Variants in ITGA8 observed in about 807,000 individuals in gnomAD.
ITGA8 encodes integrin subunit alpha 8, also known as integrin alpha-8.
A neutral mutation model predicts 142.3 loss-of-function variants in ITGA8; 91 were observed. The observed-to-expected ratio is 0.64, with a 90% CI of 0.54 to 0.76. The LOEUF (loss-of-function observed/expected upper bound fraction) is 0.76, where lower values mean the gene tolerates loss of function less well. ITGA8 is among the 30% of genes least tolerant of loss of function. ITGA8 has a pLI of 0.00. For missense variants in ITGA8, 1,406 were observed against 1,327.7 expected, an observed-to-expected ratio of 1.06 and a Z score of -0.92; for synonymous variants, 505 against 485.2, an observed-to-expected ratio of 1.04 and a Z score of -0.54.
chr10:15,590,030 T>C (rs1489684587), intron 22 of ITGA8, among the ~76,000 whole-genome samples: 1 of 152,244 alleles, frequency 6.6e-6, no homozygotes, highest in Non-Finnish European at 1.5e-5. Flanking sequence ...CCCAAAATGC[T>C]GGGATTACAG....
intron 28 of ITGA8, among the ~76,000 whole-genome samples, chr10:15,527,442 G>A (rs1328348414): frequency 6.6e-6 from 1 of 152,160 alleles, no homozygotes; most frequent in African/African-American, 2.4e-5. Context: ...TTACTTGTAT[G>A]GCATGCAAAG....
intron 25 of ITGA8, among the ~76,000 whole-genome samples, chr10:15,562,473 T>C (rs1445403477): frequency 6.6e-6 from 1 of 152,108 alleles, no homozygotes; most frequent in Non-Finnish European, 1.5e-5. Flanking sequence ...TAAAAGCGTG[T>C]TTCAAGTAAC....
At chr10:15,648,408 G>T (rs1834026097) in intron 11 of ITGA8, among the ~76,000 whole-genome samples, 1 of 150,182 alleles carries the variant, frequency 6.7e-6, no homozygotes, top group African/African-American at 2.4e-5. Context: ...TCATGTATAT[G>T]AATGATATAT....
chr10:15,659,201 A>T, intron 9 of ITGA8, 146 bp from the exon 10 acceptor site: 2 of 515,382 alleles, frequency 3.9e-6, no homozygotes, highest in Non-Finnish European at 6.7e-6. Flanking sequence ...AGCCCACGGA[A>T]TGATCTTATT....
intron 2 of ITGA8, among the ~76,000 whole-genome samples, chr10:15,688,521 C>A (rs373140642): frequency 1.3e-3 from 198 of 152,128 alleles, no homozygotes; most frequent in African/African-American, 4.5e-3. Flanking sequence ...TATCCTGATA[C>A]CAAAGCCAGA....
At chr10:15,619,560 G>C (rs1289353071) in intron 13 of ITGA8, among the ~76,000 whole-genome samples, 3 of 152,156 alleles carry the variant, frequency 2.0e-5, no homozygotes, top group African/African-American at 7.2e-5. Flanking sequence ...CTTTTGTAAG[G>C]GTTTAAATCT....
At chr10:15,524,187 C>G (rs908961337) in intron 28 of ITGA8, among the ~76,000 whole-genome samples, 1 of 152,186 alleles carries the variant, frequency 6.6e-6, no homozygotes, top group African/African-American at 2.4e-5. Context: ...ATTGGTGCAG[C>G]TGCAGAGACC....
At chr10:15,669,803 C>T (rs747349440) in intron 8 of ITGA8, among the ~76,000 whole-genome samples, 2 of 152,194 alleles carry the variant, frequency 1.3e-5, no homozygotes, top group African/African-American at 2.4e-5. Flanking sequence ...TCCTGGGTAT[C>T]AGCAGCAGAG....
chr10:15,642,690 C>T (rs367806714), intron 13 of ITGA8, among the ~76,000 whole-genome samples: 3 of 152,170 alleles, frequency 2.0e-5, no homozygotes, highest in South Asian at 4.1e-4. Flanking sequence ...CATTAGTATA[C>T]GATATAATAC....
intron 13 of ITGA8, among the ~76,000 whole-genome samples, chr10:15,639,886 GAT>G (rs1385757630): frequency 1.3e-5 from 2 of 152,336 alleles, no homozygotes; most frequent in Admixed American, 6.5e-5. Flanking sequence ...AGGATGATGA[GAT>G]AGATTTCAGA....
At chr10:15,631,799 A>G (rs1033761217) in intron 13 of ITGA8, among the ~76,000 whole-genome samples, 4 of 148,872 alleles carry the variant, frequency 2.7e-5, no homozygotes, top group African/African-American at 7.4e-5. Flanking sequence ...ACCCCCCCCA[A>G]AAAAAGCCAT....
chr10:15,533,771 A>C (rs1235939066), intron 27 of ITGA8, among the ~76,000 whole-genome samples: 1 of 152,256 alleles, frequency 6.6e-6, no homozygotes, highest in Non-Finnish European at 1.5e-5. Context: ...CTAATGCATC[A>C]TAGACAGCAT....
At chr10:15,652,280 G>T (rs539704329) in intron 11 of ITGA8, among the ~76,000 whole-genome samples, 35 of 152,350 alleles carry the variant, frequency 2.3e-4, no homozygotes, top group African/African-American at 8.4e-4. Context: ...GCCCTGCAGG[G>T]CATAAGGCGA....
chr10:15,643,843 C>T (rs184092342), intron 13 of ITGA8, among the ~76,000 whole-genome samples, 187 bp downstream of exon 13: 66 of 152,096 alleles, frequency 4.3e-4, no homozygotes, highest in Admixed American at 3.3e-4. Flanking sequence ...GAGAAGGAAG[C>T]GTGTGTTTGT....
chr10:15,673,150 C>T (rs1158991563), intron 6 of ITGA8, among the ~76,000 whole-genome samples: 1 of 152,146 alleles, frequency 6.6e-6, no homozygotes, highest in Non-Finnish European at 1.5e-5. Flanking sequence ...ATGGTGCAGT[C>T]TCAGCTCACT....
intron 10 of ITGA8, among the ~76,000 whole-genome samples, chr10:15,657,509 C>CTTTCTTTTTTTTTT (rs534714654): frequency 1.7e-5 from 2 of 116,496 alleles, no homozygotes; most frequent in Admixed American, 9.3e-5. Context: ...TCTTTTCTTT[C>CTTTCTTTTTTTTTT]ATTTTTTTTT....
chr10:15,602,114 A>G (rs1833114207), intron 20 of ITGA8, among the ~76,000 whole-genome samples: 1 of 152,252 alleles, frequency 6.6e-6, no homozygotes, highest in African/African-American at 2.4e-5. Context: ...AGAACATTTT[A>G]GAATAGGTCC....
At chr10:15,643,366 G>C (rs569358737) in intron 13 of ITGA8, among the ~76,000 whole-genome samples, 16 of 152,068 alleles carry the variant, frequency 1.1e-4, no homozygotes, top group African/African-American at 3.9e-4. Flanking sequence ...TGCAGCCTCC[G>C]CCTCCCGGGT....
At chr10:15,633,453 A>G (rs989248309) in intron 13 of ITGA8, among the ~76,000 whole-genome samples, 2 of 152,108 alleles carry the variant, frequency 1.3e-5, no homozygotes, top group Non-Finnish European at 2.9e-5. Flanking sequence ...TTTTTTTGAG[A>G]TGAATTCTTG....
Sources: allele counts gnomAD v4.1 joint callset (sites outside exome capture counted in the v4.1 genomes callset), GRCh38; gene constraint gnomAD v4.1.1; transcripts MANE v1.5; gene names NCBI Gene and HGNC (gene_info 2026-07-23, HGNC 2026-07-21).